Variants in HDAC4 observed in about 807,000 individuals in gnomAD.
HDAC4 encodes the protein histone deacetylase 4.
Under a neutral mutation model 135.1 loss-of-function variants are expected in HDAC4, and 16 were observed. The observed-to-expected ratio is 0.12, with a 90% CI of 0.08 to 0.18. HDAC4 has a LOEUF of 0.18. Among genes scored for constraint, HDAC4 ranks in the 10% least tolerant of loss-of-function variants. HDAC4 has a pLI of 1.00. For missense variants in HDAC4, 1,143 were observed against 1,511.8 expected, an observed-to-expected ratio of 0.76 and a Z score of 4.05; for synonymous variants, 685 against 653.4, an observed-to-expected ratio of 1.05 and a Z score of -0.74.
In HDAC4 at chr2:239,399,749, G is replaced by A. The variant is rs76612908; in HGVS notation, c.-220+1229C>T. Among the ~76,000 whole-genome samples, 1,130 of 152,302 alleles carry A rather than the reference G, an allele frequency of 7.4e-3. 11 individuals are homozygous for A. The highest frequency in any genetic ancestry group is 0.026 in the African/African-American group (1,076 of 41,550). On this transcript the variant is annotated intron_variant, in intron 1 of 26. Coordinates refer to ENST00000543185, the MANE Select transcript of HDAC4 (RefSeq NM_001378414.1). ...CACAGGCCCTTTCCTCCCTCACGGAGAGCAAGCAGAACTGCTCTCAGCAAG... is the reference window on the plus strand; with the variant it reads ...CACAGGCCCTTTCCTCCCTCACGGAAAGCAAGCAGAACTGCTCTCAGCAAG...
chr2:239,357,453 G>GAA lies in HDAC4; in HGVS notation c.-219-4537_-219-4536dup, dbSNP rs58332998. ...AAAGAACAAATTAAACTCAAAATAA[G>GAA]AAAAAAAAAACAGTAACAGAAGACA... On this transcript the variant is annotated intron_variant, in intron 1 of 26. Transcript: ENST00000543185. 2.8e-4 allele frequency among the ~76,000 whole-genome samples: 41 copies of GAA among 145,204 alleles called. No homozygotes were observed. In the South Asian group the frequency reaches 3.0e-3, roughly 11 times the overall value.
At chr2:239,264,265 G>A (rs4852039) in intron 2 of HDAC4, among the ~76,000 whole-genome samples, 26,640 of 152,194 alleles carry the variant, frequency 0.18, 3,048 homozygotes, top group East Asian at 0.39. Context: ...CTGCGGAGGA[G>A]CAGATGCGCC....
chr2:239,191,679 G>A lies in HDAC4; in HGVS notation c.95-1602C>T, dbSNP rs1483098152. Among the ~76,000 whole-genome samples, 4 of 152,344 alleles carry A rather than the reference G, an allele frequency of 2.6e-5. No individual in the cohort carries two copies. The East Asian group carries it at 5.8e-4, about 22-fold the overall frequency. On this transcript the variant is annotated intron_variant, in intron 3 of 26. Transcript: ENST00000543185. ...CACCTGAGCTCCTGGTGCCCAGGGT[G>A]AGGGGTGCTCTCAGCTTCTCTGGCT...
intron 2 of HDAC4, among the ~76,000 whole-genome samples, chr2:239,337,169 C>T (rs13428757): frequency 1.2e-3 from 188 of 152,302 alleles, no homozygotes; most frequent in African/African-American, 4.2e-3. Context: ...CTCCACTAAA[C>T]TGGTTTTACT....
chr2:239,119,688 G>T (rs1486576799), intron 12 of HDAC4, among the ~76,000 whole-genome samples: 1 of 152,136 alleles, frequency 6.6e-6, no homozygotes, highest in Non-Finnish European at 1.5e-5. Context: ...GGAGCTCAGG[G>T]CTGAGGAGGT....
chr2:239,143,434 A>G lies in HDAC4; in HGVS notation c.865+1149T>C, dbSNP rs937083803. Among the ~76,000 whole-genome samples, 21 of 152,248 alleles carry G rather than the reference A, an allele frequency of 1.4e-4. 1 individual carries two copies. Among genetic ancestry groups the G allele is most frequent in the Admixed American group, 1.4e-3 (21 of 15,290 alleles). On this transcript the variant is annotated intron_variant, in intron 8 of 26. Coordinates refer to ENST00000543185, the MANE Select transcript of HDAC4 (RefSeq NM_001378414.1). ...GCTAGACTTAGTGAAACTTTAGATC[A>G]TAACATTTCTTGATGGCTGTAGAAA... is the stretch of plus-strand genomic sequence containing the variant.
intron 3 of HDAC4, among the ~76,000 whole-genome samples, chr2:239,217,208 G>T (rs1470470949): frequency 6.6e-6 from 1 of 152,198 alleles, no homozygotes; most frequent in Admixed American, 6.5e-5. Context: ...GTCTCCAGGA[G>T]CCGGCAGCAT....
chr2:239,338,873 C>T (rs1692112452), intron 2 of HDAC4, among the ~76,000 whole-genome samples: 2 of 152,110 alleles, frequency 1.3e-5, no homozygotes, highest in Non-Finnish European at 2.9e-5. Flanking sequence ...CTCCAGGCTC[C>T]CCCCAAGGCT....
chr2:239,122,253 A>C lies in HDAC4; in HGVS notation c.1533+4203T>G, dbSNP rs73097670. ...GGAGGCAGGTTCTTGTGCAGAGTCC[A>C]GAAACCATGGGAAGAACCACCTTGA... On this transcript the variant is annotated intron_variant, in intron 12 of 26. Transcript: ENST00000543185. Among the ~76,000 whole-genome samples the C allele has an allele frequency of 8.0e-3, 1,217 of 152,324 alleles. 20 individuals carry two copies. Among genetic ancestry groups the C allele is most frequent in the African/African-American group, 0.027 (1,112 of 41,560 alleles).
chr2:239,342,432 G>C (rs1692350127), intron 2 of HDAC4, among the ~76,000 whole-genome samples: 1 of 152,102 alleles, frequency 6.6e-6, no homozygotes, highest in Non-Finnish European at 1.5e-5. Context: ...AAGACACACA[G>C]ACCAACTTGT....
intron 16 of HDAC4, among the ~76,000 whole-genome samples, chr2:239,098,769 G>A (rs1407544187): frequency 6.6e-6 from 1 of 152,240 alleles, no homozygotes; most frequent in Non-Finnish European, 1.5e-5. Context: ...CAAAACTCAA[G>A]ATAATCATCA....
At chr2:239,120,383 G>GCACACACAGACA (rs1309289116) in intron 12 of HDAC4, among the ~76,000 whole-genome samples, 7 of 26,194 alleles carry the variant, frequency 2.7e-4, no homozygotes, top group Admixed American at 9.6e-4. Flanking sequence ...ACCCGCAGAG[G>GCACACACAGACA]CACACACAGA....
At position 239,306,984 on chromosome 2, in the gene HDAC4, G is replaced by A. The variant is rs752998890; in HGVS notation, c.22+45694C>T. Among the ~76,000 whole-genome samples the A allele has an allele frequency of 2.6e-5, 4 of 152,048 alleles. No homozygotes were observed. The highest frequency in any genetic ancestry group is 6.5e-5 in the Admixed American group (1 of 15,272). On this transcript the variant is annotated intron_variant, in intron 2 of 26. Transcript: ENST00000543185. This position sits in a 1 kb window ranked among gnomAD's most constrained non-coding sequence, Gnocchi z 4.5. Reference sequence around the variant, plus strand: ...GGGTAACCCAGAAGCAGCAGGAGCCGCAGGACCATAGGGGCCACCGGCAGG... The same window carrying A: ...GGGTAACCCAGAAGCAGCAGGAGCCACAGGACCATAGGGGCCACCGGCAGG...
chr2:239,217,916 A>AC (rs1559240178), intron 3 of HDAC4, among the ~76,000 whole-genome samples: 1 of 151,950 alleles, frequency 6.6e-6, no homozygotes, highest in Non-Finnish European at 1.5e-5. Context: ...ACATCATAAG[A>AC]CCCCATCTTT....
chr2:239,120,405 A>ACACACACAGACG (rs1347902609), intron 12 of HDAC4, among the ~76,000 whole-genome samples: 1 of 144,142 alleles, frequency 6.9e-6, no homozygotes, highest in Non-Finnish European at 1.5e-5. Context: ...GCACACAGAC[A>ACACACACAGACG]CACACACACA....
intron 2 of HDAC4, among the ~76,000 whole-genome samples, chr2:239,340,328 C>A (rs548384930): frequency 4.3e-4 from 66 of 152,250 alleles, no homozygotes; most frequent in African/African-American, 1.5e-3. Context: ...CAAAAGGGAA[C>A]CAAATCACAG....
rs2052142011 is a variant in HDAC4 at position 239,299,824 on chromosome 2, C to T, written c.22+52854G>A. On this transcript the variant is annotated intron_variant, in intron 2 of 26. Transcript: ENST00000543185. The surrounding 1 kb of genome is among the most constrained non-coding windows in gnomAD (Gnocchi z 4.0). ...GGCATGTCACAGGGGAGGCACACAC[C>T]AGACGAACCAAACCAGCAACAGAGC... Among the ~76,000 whole-genome samples the T allele has an allele frequency of 1.3e-5, 2 of 152,168 alleles. No individual in the cohort carries two copies. Among genetic ancestry groups the T allele is most frequent in the Non-Finnish European group, 1.5e-5 (1 of 68,038 alleles).
At chr2:239,348,042 T>C (rs1692840629) in intron 2 of HDAC4, among the ~76,000 whole-genome samples, 1 of 122,820 alleles carries the variant, frequency 8.1e-6, no homozygotes, top group Non-Finnish European at 1.6e-5. Flanking sequence ...ATCCACTGCT[T>C]CCTATCGAGA....
rs2052366736 is a variant in HDAC4 at position 239,303,103 on chromosome 2, T to C, written c.22+49575A>G. ...ACTGAACAGAAGCCCAGCTCAGGGT[T>C]CAGGGTGGGCCCCTGGATTCAAAGT... is the stretch of plus-strand genomic sequence containing the variant. On this transcript the variant is annotated intron_variant, in intron 2 of 26. Transcript: ENST00000543185. This position sits in a 1 kb window ranked among gnomAD's most constrained non-coding sequence, Gnocchi z 5.1. Among the ~76,000 whole-genome samples, 1 of 152,170 alleles carries C rather than the reference T, an allele frequency of 6.6e-6. No individual in the cohort carries two copies. Among genetic ancestry groups the C allele is most frequent in the Non-Finnish European group, 1.5e-5 (1 of 68,024 alleles).
Sources: gnomAD v4.1 joint callset for allele counts (sites outside exome capture counted in the v4.1 genomes callset) on GRCh38, gnomAD v4.1.1 for gene constraint, Gnocchi (gnomAD v3.1) non-coding constraint, MANE v1.5 for transcripts, NCBI Gene and HGNC (gene_info 2026-07-23, HGNC 2026-07-21) for gene names.